The following SYT6 variants were observed in gnomAD, a reference collection of about 807,000 sequenced individuals.
SYT6 encodes the protein synaptotagmin 6.
In SYT6, 24 loss-of-function variants were observed where a neutral mutation model predicts 38.4. The observed-to-expected ratio is 0.62, with a 90% CI of 0.45 to 0.88. SYT6 has a LOEUF of 0.88. Among genes scored for constraint, SYT6 ranks in the 40% least tolerant of loss-of-function variants. SYT6 has a pLI of 0.00. For synonymous variants in SYT6, 265 were observed against 241.9 expected, an observed-to-expected ratio of 1.10 and a Z score of -0.89; for missense variants, 611 against 621.0, an observed-to-expected ratio of 0.98 and a Z score of 0.17.
At chr1:114,151,601 G>A (rs1318034333) in intron 1 of SYT6, among the ~76,000 whole-genome samples, 1 of 152,180 alleles carries the variant, frequency 6.6e-6, no homozygotes, top group Non-Finnish European at 1.5e-5. Flanking sequence ...TGAACAGACA[G>A]GAGAGTCAGC....
chr1:114,138,365 A>G (rs1231853708), intron 2 of SYT6, among the ~76,000 whole-genome samples: 2 of 152,216 alleles, frequency 1.3e-5, no homozygotes, highest in Non-Finnish European at 2.9e-5. Flanking sequence ...TTTACTTCCT[A>G]GTAGACATGA....
intron 6 of SYT6, among the ~76,000 whole-genome samples, chr1:114,094,083 T>G (rs1675483290): frequency 6.6e-6 from 1 of 152,198 alleles, no homozygotes; most frequent in African/African-American, 2.4e-5. Flanking sequence ...CAGAGTGTCT[T>G]TCTTCCTTTA....
intron 6 of SYT6, among the ~76,000 whole-genome samples, chr1:114,095,054 G>A (rs1450130750): frequency 2.6e-5 from 4 of 152,200 alleles, no homozygotes; most frequent in Admixed American, 2.6e-4. Context: ...TTGCTGAGAC[G>A]AGTGTCATTT....
intron 3 of SYT6, among the ~76,000 whole-genome samples, chr1:114,104,666 C>CTCCA (rs35545510): frequency 0.47 from 71,512 of 151,140 alleles, 16,951 homozygotes; most frequent in South Asian, 0.59. Flanking sequence ...AGATGAGGCC[C>CTCCA]TCCATCCATC....
rs771626746 is a variant in SYT6 at position 114,097,797 on chromosome 1, A to G, written c.1445T>C (p.Met482Thr). The change falls in exon 6 of 8, where the codon ATG becomes ACG. Residue 482 changes from methionine to threonine, a missense_variant. Physicochemically the swap from Met to Thr is moderately conservative, Grantham distance 81 (BLOSUM62 -1). Transcript: ENST00000610222. ...EGLGRDHWNE[M>T]LAYPRKPIAH... The stretch of plus-strand genomic sequence containing the variant: ...GATGGGCTTCCGGGGGTATGCCAGC[A>G]TCTCGTTCCAGTGGTCCCTGCCCAG... 6 of 1,613,952 alleles carry G rather than the reference A, an allele frequency of 3.7e-6. No homozygotes were observed. The Admixed American group carries it at 5.0e-5, about 13-fold the overall frequency.
chr1:114,134,971 A>T (rs1202131636), intron 3 of SYT6, among the ~76,000 whole-genome samples: 1 of 152,186 alleles, frequency 6.6e-6, no homozygotes, highest in Non-Finnish European at 1.5e-5. Context: ...TACAAGCATC[A>T]GCCTTCTCGC....
At chr1:114,129,612 C>CT (rs1388196297) in intron 3 of SYT6, among the ~76,000 whole-genome samples, 2 of 61,412 alleles carry the variant, frequency 3.3e-5, no homozygotes, top group African/African-American at 1.0e-4. Flanking sequence ...TTCTTTCTTT[C>CT]TTTCCTTTCT....
At chr1:114,118,557 G>T (rs1228252425) in intron 3 of SYT6, among the ~76,000 whole-genome samples, 1 of 152,220 alleles carries the variant, frequency 6.6e-6, no homozygotes, top group Admixed American at 6.5e-5. Flanking sequence ...GGCGCTGCCT[G>T]GCATCTGGGG....
intron 3 of SYT6, among the ~76,000 whole-genome samples, chr1:114,114,053 C>T (rs1344094422): frequency 6.6e-6 from 1 of 152,154 alleles, no homozygotes; most frequent in Non-Finnish European, 1.5e-5. Flanking sequence ...GTTCTTTCCC[C>T]AGCTCTTCAC....
intron 1 of SYT6, among the ~76,000 whole-genome samples, chr1:114,147,334 A>G (rs1241539550): frequency 6.6e-6 from 1 of 152,268 alleles, no homozygotes; most frequent in African/African-American, 2.4e-5. Flanking sequence ...AGAAAAACCT[A>G]TAATTGAGAA....
At chr1:114,136,184 C>T (rs1412975518) in intron 3 of SYT6, among the ~76,000 whole-genome samples, 1 of 152,172 alleles carries the variant, frequency 6.6e-6, no homozygotes, top group Non-Finnish European at 1.5e-5. Flanking sequence ...GCCCACTAAG[C>T]TTTCTCTCTT....
intron 3 of SYT6, among the ~76,000 whole-genome samples, chr1:114,109,223 G>A (rs1186613652): frequency 6.6e-6 from 1 of 152,206 alleles, no homozygotes; most frequent in Non-Finnish European, 1.5e-5. Context: ...TAACTTTTAT[G>A]TTGATCTGGG....
At chr1:114,143,072 C>T (rs945153016) in intron 1 of SYT6, among the ~76,000 whole-genome samples, 13 of 150,450 alleles carry the variant, frequency 8.6e-5, no homozygotes, top group Admixed American at 1.3e-4. Flanking sequence ...ATTCTTGATG[C>T]CATTATATTT....
chr1:114,124,476 A>C (rs1677609592), intron 3 of SYT6, among the ~76,000 whole-genome samples: 2 of 152,148 alleles, frequency 1.3e-5, no homozygotes, highest in African/African-American at 4.8e-5. Flanking sequence ...AGACGATAGA[A>C]TGATGGGAGT....
intron 3 of SYT6, among the ~76,000 whole-genome samples, chr1:114,118,832 C>G (rs1159958982): frequency 3.9e-5 from 6 of 152,248 alleles, no homozygotes; most frequent in Non-Finnish European, 1.5e-5. Flanking sequence ...AACGCTTCCT[C>G]AAGGGGGCAG....
chr1:114,125,712 C>T (rs1432020778), intron 3 of SYT6, among the ~76,000 whole-genome samples: 1 of 152,186 alleles, frequency 6.6e-6, no homozygotes, highest in Admixed American at 6.5e-5. Flanking sequence ...TACTCTACAG[C>T]TCACCTTGTC....
At chr1:114,139,434 T>C (rs1050496895) in intron 2 of SYT6, among the ~76,000 whole-genome samples, 181 bp downstream of exon 2, 2 of 152,198 alleles carry the variant, frequency 1.3e-5, no homozygotes, top group Non-Finnish European at 2.9e-5. Context: ...TCATGAAGTC[T>C]TTCCTGGTGC....
chr1:114,102,209 G>A (rs1391134295), intron 4 of SYT6, among the ~76,000 whole-genome samples: 1 of 152,154 alleles, frequency 6.6e-6, no homozygotes, highest in Non-Finnish European at 1.5e-5. Flanking sequence ...TCCCTGTTAT[G>A]CACTTATTTT....
At chr1:114,101,233 A>G (rs983559632) in intron 4 of SYT6, among the ~76,000 whole-genome samples, 1 of 152,126 alleles carries the variant, frequency 6.6e-6, no homozygotes, top group Non-Finnish European at 1.5e-5. Flanking sequence ...CCTTGCAGGA[A>G]CCAACACTTT....
Sources: allele counts gnomAD v4.1 joint callset (sites outside exome capture counted in the v4.1 genomes callset), GRCh38; gene constraint gnomAD v4.1.1; transcripts MANE v1.5; gene names NCBI Gene and HGNC (gene_info 2026-07-23, HGNC 2026-07-21).